Variants in PRP4K observed in about 807,000 individuals in gnomAD.
The protein encoded by PRP4K is serine/threonine-protein kinase PRP4 homolog.
chr6:4,024,181 TA>T, the PRP4K span, among the ~76,000 whole-genome samples: 1 of 152,252 alleles, frequency 6.6e-6, no homozygotes, highest in East Asian at 1.9e-4. Context: ...AGCTAATTTT[TA>T]AGTATTTTTG....
chr6:4,040,114 G>A, the PRP4K span, among the ~76,000 whole-genome samples: 2 of 151,234 alleles, frequency 1.3e-5, no homozygotes, highest in Non-Finnish European at 2.9e-5. Flanking sequence ...TCAAACTCCC[G>A]AGCTCCCTGC....
chr6:4,058,106 G>A, the PRP4K span, among the ~76,000 whole-genome samples: 1 of 152,072 alleles, frequency 6.6e-6, no homozygotes, highest in African/African-American at 2.4e-5. Context: ...GAACCCCTGG[G>A]CTCAAGCAGT....
chr6:4,022,154 ATTTTT>A, the PRP4K span, among the ~76,000 whole-genome samples: 43 of 92,010 alleles, frequency 4.7e-4, no homozygotes, highest in African/African-American at 1.5e-3. Context: ...GAGGCCTGGC[ATTTTT>A]TTTTTTTTTT....
At chr6:4,029,675 G>A in the PRP4K span, among the ~76,000 whole-genome samples, 1 of 151,814 alleles carries the variant, frequency 6.6e-6, no homozygotes, top group Non-Finnish European at 1.5e-5. Flanking sequence ...TTTAATCCCT[G>A]TCCTTTCTCA....
the PRP4K span, among the ~76,000 whole-genome samples, chr6:4,027,793 A>G: frequency 1.3e-5 from 2 of 152,204 alleles, no homozygotes; most frequent in Non-Finnish European, 2.9e-5. Flanking sequence ...GAACCCAGGC[A>G]GTCTGGCTCC....
the PRP4K span, among the ~76,000 whole-genome samples, chr6:4,040,040 C>A: frequency 6.6e-6 from 1 of 151,876 alleles, no homozygotes; most frequent in African/African-American, 2.4e-5. Flanking sequence ...CGCACCACCA[C>A]ACCCAGCTAA....
At chr6:4,048,891 T>G in the PRP4K span, 1 of 588,618 alleles carries the variant, frequency 1.7e-6, no homozygotes, top group Non-Finnish European at 2.9e-6. Context: ...TAGTAAGAAT[T>G]TATTTAATTT....
the PRP4K span, chr6:4,037,593 A>G: frequency 2.5e-6 from 4 of 1,602,890 alleles, no homozygotes; most frequent in Non-Finnish European, 3.4e-6. Context: ...CATCCTTGTG[A>G]TTCATTAAAC....
the PRP4K span, among the ~76,000 whole-genome samples, chr6:4,060,070 A>T: frequency 2.0e-5 from 3 of 152,332 alleles, no homozygotes; most frequent in East Asian, 3.9e-4. The surrounding 1 kb of genome is among the most constrained non-coding windows in gnomAD (Gnocchi z 4.7). Flanking sequence ...GCGTCACATA[A>T]CCACAGCATA....
At chr6:4,031,989 A>C in the PRP4K span, 1 of 1,614,070 alleles carries the variant, frequency 6.2e-7, no homozygotes, top group Non-Finnish European at 8.5e-7. Context: ...AAGAAATGGA[A>C]ATAGGTCTAG....
At chr6:4,049,341 A>G in the PRP4K span, 5 of 474,918 alleles carry the variant, frequency 1.1e-5, no homozygotes, top group Non-Finnish European at 1.5e-5. Flanking sequence ...TATATTCAAA[A>G]TTATTTTCAG....
the PRP4K span, chr6:4,042,670 G>GA: frequency 1.3e-6 from 1 of 771,334 alleles, no homozygotes; most frequent in East Asian, 2.9e-5. Context: ...CTTAGAAAAG[G>GA]ATAGTATATA....
the PRP4K span, chr6:4,049,146 ACAC>A: frequency 6.6e-7 from 1 of 1,512,572 alleles, no homozygotes; most frequent in Non-Finnish European, 9.1e-7. Context: ...GTTCATTGTA[ACAC>A]CATGCAAAAG....
At chr6:4,032,396 A>C in the PRP4K span, 1 of 1,614,108 alleles carries the variant, frequency 6.2e-7, no homozygotes, top group Non-Finnish European at 8.5e-7. Context: ...AAAAATCCAG[A>C]TCCCCAGTTG....
At chr6:4,046,617 C>G in the PRP4K span, among the ~76,000 whole-genome samples, 1 of 151,210 alleles carries the variant, frequency 6.6e-6, no homozygotes, top group East Asian at 1.9e-4. Context: ...TTAGCTTATT[C>G]ATGTAAACTA....
chr6:4,025,219 AAT>A, the PRP4K span, among the ~76,000 whole-genome samples: 1 of 152,216 alleles, frequency 6.6e-6, no homozygotes, highest in Non-Finnish European at 1.5e-5. Context: ...ATATAAATGA[AAT>A]ATATATGGCC....
chr6:4,029,863 C>T, the PRP4K span, among the ~76,000 whole-genome samples: 2 of 151,936 alleles, frequency 1.3e-5, no homozygotes, highest in South Asian at 2.1e-4. Context: ...ATGGTTATGT[C>T]ATGTGACTTA....
At chr6:4,031,776 T>C in the PRP4K span, 3 of 1,607,974 alleles carry the variant, frequency 1.9e-6, no homozygotes, top group Non-Finnish European at 2.5e-6. Flanking sequence ...TATTGATGCT[T>C]CTGATAAAGA....
the PRP4K span, chr6:4,032,795 A>G: frequency 5.5e-6 from 8 of 1,454,924 alleles, no homozygotes; most frequent in South Asian, 1.7e-5. Context: ...TTACCAGTGC[A>G]TGAGATTTTA....
Sources: gnomAD v4.1 joint callset for allele counts (sites outside exome capture counted in the v4.1 genomes callset) on GRCh38, gnomAD v4.1.1 for gene constraint, Gnocchi (gnomAD v3.1) non-coding constraint, MANE v1.5 for transcripts, NCBI Gene and HGNC (gene_info 2026-07-23, HGNC 2026-07-21) for gene names.